MSI2: variants seen among roughly 807,000 people sequenced by gnomAD.
The protein encoded by MSI2 is musashi RNA binding protein 2.
In MSI2, 17 loss-of-function variants were observed where a neutral mutation model predicts 45.6. The ratio of observed to expected loss-of-function variants is 0.37; its 90% confidence interval spans 0.26 to 0.56. The LOEUF is 0.56. MSI2 is among the 20% of genes least tolerant of loss of function. MSI2 has a pLI of 0.77. For synonymous variants in MSI2, 156 were observed against 158.2 expected (o/e 0.99, Z 0.11); for missense variants, 293 against 444.2 (o/e 0.66, Z 3.06).
chr17:57,443,417 G>A (rs1390913101), intron 6 of MSI2, among the ~76,000 whole-genome samples: 3 of 152,204 alleles, frequency 2.0e-5, no homozygotes, highest in Non-Finnish European at 4.4e-5. Flanking sequence ...GGCAGGAACT[G>A]CCTCTCCTCG....
Position 57,675,004 on chromosome 17 carries a change from G to C in MSI2, c.823G>C (p.Gly275Arg), listed in dbSNP as rs1156988010. 6.2e-7 allele frequency: 1 copy of C among 1,613,694 alleles called. No individual in the cohort carries two copies. Among genetic ancestry groups the C allele is most frequent in the East Asian group, 2.2e-5 (1 of 44,870 alleles). ...SNPARPGGFPGANSPGPVADL... is the reference protein window; with the variant it reads ...SNPARPGGFPRANSPGPVADL... The stretch of plus-strand genomic sequence containing the variant: ...CCCGGCGCGGCCCGGAGGCTTCCCG[G>C]GGGCCAACAGCCCAGGACCTGTCGC... The change falls in exon 12 of 14, where the codon GGG becomes CGG. Residue 275 changes from glycine (G) to arginine (R), a missense_variant. By Grantham distance (125) the Gly-to-Arg change is moderately radical. Transcript: ENST00000284073.
At chr17:57,591,149 G>A (rs1229470837) in intron 7 of MSI2, among the ~76,000 whole-genome samples, 1 of 152,152 alleles carries the variant, frequency 6.6e-6, no homozygotes, top group Admixed American at 6.5e-5. Flanking sequence ...GCTGAGTGAG[G>A]ATAATTGTGT....
At chr17:57,304,312 G>C (rs1911685477) in intron 5 of MSI2, among the ~76,000 whole-genome samples, 1 of 139,648 alleles carries the variant, frequency 7.2e-6, no homozygotes, top group African/African-American at 2.7e-5. Flanking sequence ...AGCCGAGATT[G>C]CACCACTGCA....
chr17:57,691,625 A>G, the MSI2 span, among the ~76,000 whole-genome samples: 1 of 151,766 alleles, frequency 6.6e-6, no homozygotes, highest in Non-Finnish European at 1.5e-5. Context: ...TACTTAACTT[A>G]AAATTTTTTA....
chr17:57,321,325 T>C (rs1284758742), intron 5 of MSI2, among the ~76,000 whole-genome samples: 1 of 151,948 alleles, frequency 6.6e-6, no homozygotes, highest in Non-Finnish European at 1.5e-5. Context: ...TAATTATAGA[T>C]GCTTTAGGAG....
At chr17:57,437,188 A>G (rs777607745) in intron 6 of MSI2, among the ~76,000 whole-genome samples, 1 of 152,124 alleles carries the variant, frequency 6.6e-6, no homozygotes, top group African/African-American at 2.4e-5. Flanking sequence ...CAGTAACCTT[A>G]CTTTTGGATT....
chr17:57,400,879 C>T (rs2083976348), intron 5 of MSI2, among the ~76,000 whole-genome samples: 1 of 151,994 alleles, frequency 6.6e-6, no homozygotes, highest in South Asian at 2.1e-4. Flanking sequence ...AGGGTGGTCT[C>T]CAGGTGCGAG....
intron 5 of MSI2, 116 bp downstream of exon 5, chr17:57,262,308 G>C: frequency 8.7e-7 from 1 of 1,150,966 alleles, no homozygotes; most frequent in Non-Finnish European, 1.3e-6. Flanking sequence ...TGTTCCTTCG[G>C]GGTATCAGGA....
chr17:57,381,446 C>A (rs1486389643), intron 5 of MSI2, among the ~76,000 whole-genome samples: 1 of 151,326 alleles, frequency 6.6e-6, no homozygotes, highest in African/African-American at 2.5e-5. Context: ...CTCCCCAAGG[C>A]AGTGACCCTC....
chr17:57,357,677 C>G (rs1567778093), intron 5 of MSI2, among the ~76,000 whole-genome samples: 2 of 152,218 alleles, frequency 1.3e-5, no homozygotes, highest in Non-Finnish European at 2.9e-5. Context: ...AAGGTGAAAT[C>G]ATGACCTGCC....
At chr17:57,261,009 G>A (rs1384645081) in intron 4 of MSI2, among the ~76,000 whole-genome samples, 2 of 152,046 alleles carry the variant, frequency 1.3e-5, no homozygotes, top group Non-Finnish European at 2.9e-5. Context: ...GCCAAAGCCT[G>A]GAAATAAATA....
At chr17:57,334,721 G>A (rs1914553312) in intron 5 of MSI2, among the ~76,000 whole-genome samples, 2 of 152,008 alleles carry the variant, frequency 1.3e-5, no homozygotes, top group African/African-American at 2.4e-5. Flanking sequence ...TTGAACCCAC[G>A]AGGCGGAGGT....
At chr17:57,520,956 C>T (rs1048058777) in intron 6 of MSI2, among the ~76,000 whole-genome samples, 1 of 152,108 alleles carries the variant, frequency 6.6e-6, no homozygotes, top group Non-Finnish European at 1.5e-5. Context: ...TGAGCCACTG[C>T]CCCCAGCCCT....
At chr17:57,530,311 T>C (rs11868483) in intron 7 of MSI2, among the ~76,000 whole-genome samples, 37,373 of 152,114 alleles carry the variant, frequency 0.25, 5,535 homozygotes, top group East Asian at 0.45. Flanking sequence ...TCTATGAACC[T>C]CTGCAATGAC....
At chr17:57,554,929 G>A (rs931426831) in intron 7 of MSI2, among the ~76,000 whole-genome samples, 3 of 152,264 alleles carry the variant, frequency 2.0e-5, no homozygotes, top group African/African-American at 4.8e-5. Flanking sequence ...CTGCTGGGAT[G>A]TTTTGCTCAA....
At chr17:57,339,195 C>T (rs370837303) in intron 5 of MSI2, among the ~76,000 whole-genome samples, 1 of 152,126 alleles carries the variant, frequency 6.6e-6, no homozygotes. Context: ...GCAAGCAGCC[C>T]GCGAGGCACC....
intron 7 of MSI2, among the ~76,000 whole-genome samples, chr17:57,582,360 T>C (rs1359005423): frequency 1.3e-5 from 2 of 152,202 alleles, no homozygotes; most frequent in Non-Finnish European, 2.9e-5. Flanking sequence ...AATATTCATG[T>C]ATATTATAAA....
At chr17:57,597,060 G>A in intron 8 of MSI2, 110 bp downstream of exon 8, 1 of 750,140 alleles carries the variant, frequency 1.3e-6, no homozygotes, top group Non-Finnish European at 2.3e-6. Context: ...CAGGGGTGGG[G>A]AGGGGGCTAG....
At chr17:57,669,662 C>A (rs201636637) in intron 11 of MSI2, among the ~76,000 whole-genome samples, 1 of 152,222 alleles carries the variant, frequency 6.6e-6, no homozygotes, top group Non-Finnish European at 1.5e-5. Context: ...TGGATTAACA[C>A]AGCCTCTGCC....
Sources: allele counts gnomAD v4.1 joint callset (sites outside exome capture counted in the v4.1 genomes callset), GRCh38; gene constraint gnomAD v4.1.1; transcripts MANE v1.5; gene names NCBI Gene and HGNC (gene_info 2026-07-23, HGNC 2026-07-21).